Variants in RABGAP1L observed in about 807,000 individuals in gnomAD.
RABGAP1L encodes RAB GTPase activating protein 1 like.
RABGAP1L carries 63 observed loss-of-function variants against 137.7 expected under a neutral mutation model. The ratio of observed to expected loss-of-function variants is 0.46; its 90% CI spans 0.37 to 0.56. RABGAP1L has a LOEUF of 0.56. Among genes scored for constraint, RABGAP1L ranks in the 20% least tolerant of loss-of-function variants. The probability of loss-of-function intolerance (pLI) is 0.00; values close to 1 mark genes in which losing one functional copy is unlikely to be tolerated. For missense variants in RABGAP1L, 1,095 were observed against 1,244.0 expected (o/e 0.88, Z 1.80); for synonymous variants, 431 against 433.7 (o/e 0.99, Z 0.08).
At chr1:174,486,531 A>G (rs1200745756) in intron 13 of RABGAP1L, among the ~76,000 whole-genome samples, 2 of 151,838 alleles carry the variant, frequency 1.3e-5, no homozygotes, top group African/African-American at 4.8e-5. Context: ...TATTTTTAGT[A>G]GAGACACGGT....
At chr1:174,403,313 A>G (rs1481042981) in intron 13 of RABGAP1L, among the ~76,000 whole-genome samples, 2 of 147,536 alleles carry the variant, frequency 1.4e-5, no homozygotes, top group African/African-American at 2.5e-5. Flanking sequence ...GGGTCTCACC[A>G]TGTTGCTCAA....
At chr1:174,186,144 C>CAAAAAA (rs201540764) in intron 1 of RABGAP1L, among the ~76,000 whole-genome samples, 1 of 91,838 alleles carries the variant, frequency 1.1e-5, no homozygotes, top group Non-Finnish European at 2.3e-5. Flanking sequence ...AATTCCATCT[C>CAAAAAA]AAAAAAAAAA....
chr1:174,701,284 A>G (rs1426191038), intron 16 of RABGAP1L: 4 of 1,131,972 alleles, frequency 3.5e-6, no homozygotes, highest in Non-Finnish European at 4.5e-6. Flanking sequence ...ATACCTTTGC[A>G]TAATTTCTTT....
intron 19 of RABGAP1L, chr1:174,850,084 G>T: frequency 1.9e-6 from 1 of 523,638 alleles, no homozygotes; most frequent in South Asian, 1.5e-5. Flanking sequence ...CTGGGATTGG[G>T]AGGGGGCTTC....
chr1:174,304,230 T>G (rs1478245448), intron 10 of RABGAP1L, among the ~76,000 whole-genome samples: 2 of 152,168 alleles, frequency 1.3e-5, no homozygotes, highest in Non-Finnish European at 2.9e-5. Context: ...TTATGCTGAT[T>G]GATTTTTCCA....
chr1:174,768,926 C>T (rs988708413), intron 18 of RABGAP1L, among the ~76,000 whole-genome samples: 2 of 152,142 alleles, frequency 1.3e-5, no homozygotes, highest in Non-Finnish European at 2.9e-5. Flanking sequence ...ATGGAAGTGG[C>T]AAGAGTAATT....
At chr1:174,282,843 A>G (rs1028749710) in intron 10 of RABGAP1L, among the ~76,000 whole-genome samples, 27 of 152,308 alleles carry the variant, frequency 1.8e-4, no homozygotes, top group Non-Finnish European at 3.2e-4. Context: ...TTGTTCCAGC[A>G]TCATTTGTTG....
At chr1:174,829,081 C>T (rs1323797441) in intron 19 of RABGAP1L, among the ~76,000 whole-genome samples, 1 of 147,780 alleles carries the variant, frequency 6.8e-6, no homozygotes, top group Non-Finnish European at 1.5e-5. Flanking sequence ...TCTAGTTTCT[C>T]TCATTGTGAG....
At chr1:174,884,300 C>T (rs189665898) in intron 19 of RABGAP1L, among the ~76,000 whole-genome samples, 47 of 152,262 alleles carry the variant, frequency 3.1e-4, no homozygotes, top group Admixed American at 2.7e-3. Flanking sequence ...TCCTCCTTAT[C>T]GGATTGGCAC....
At position 174,947,750 on chromosome 1, in the gene RABGAP1L, A is replaced by G. The variant is rs1390748650; in HGVS notation, c.2341-9707A>G. 3.3e-5 allele frequency among the ~76,000 whole-genome samples: 5 copies of G among 152,188 alleles called. No individual in the cohort carries two copies. In the East Asian group the frequency reaches 7.7e-4, roughly 23 times the overall value. Reference sequence around the variant, plus strand: ...GTTTAATTTCTAAACCACCTCAAATAAAGTATCAAAGAGAAACTGCTGTTC... The same window carrying G: ...GTTTAATTTCTAAACCACCTCAAATGAAGTATCAAAGAGAAACTGCTGTTC... On this transcript the variant is annotated intron_variant, in intron 19 of 25. Coordinates refer to ENST00000681986, the MANE Select transcript of RABGAP1L (RefSeq NM_001366446.1).
At chr1:174,746,414 C>A (rs1683868420) in intron 17 of RABGAP1L, among the ~76,000 whole-genome samples, 1 of 152,242 alleles carries the variant, frequency 6.6e-6, no homozygotes, top group African/African-American at 2.4e-5. Context: ...GTGACCCTTT[C>A]TTCCCACAGC....
At chr1:174,464,297 C>T (rs546711523) in intron 13 of RABGAP1L, among the ~76,000 whole-genome samples, 1 of 151,142 alleles carries the variant, frequency 6.6e-6, no homozygotes, top group South Asian at 2.1e-4. Context: ...TGATGCTTTC[C>T]CCATCCTTAA....
intron 13 of RABGAP1L, among the ~76,000 whole-genome samples, chr1:174,423,299 C>T (rs910067727): frequency 3.9e-5 from 6 of 152,092 alleles, no homozygotes; most frequent in African/African-American, 1.4e-4. Flanking sequence ...ATTATTAGCT[C>T]ACCAATATTT....
intron 1 of RABGAP1L, among the ~76,000 whole-genome samples, chr1:174,182,159 C>T (rs1319863887): frequency 6.6e-5 from 10 of 151,816 alleles, no homozygotes; most frequent in Admixed American, 6.6e-4. Flanking sequence ...TTACTTAACC[C>T]TAATTGGCTT....
At chr1:174,908,293 T>G (rs1253446751) in intron 19 of RABGAP1L, among the ~76,000 whole-genome samples, 1 of 152,124 alleles carries the variant, frequency 6.6e-6, no homozygotes, top group Non-Finnish European at 1.5e-5. Flanking sequence ...ACACTAAATC[T>G]AATAGACCTA....
chr1:174,277,472 T>C (rs1675099671), intron 9 of RABGAP1L, among the ~76,000 whole-genome samples: 3 of 151,728 alleles, frequency 2.0e-5, no homozygotes, highest in South Asian at 4.1e-4. Context: ...CAATAAAATA[T>C]ATATTTGGTC....
chr1:174,160,769 CCTT>C (rs1257235416), intron 1 of RABGAP1L, among the ~76,000 whole-genome samples: 2 of 152,150 alleles, frequency 1.3e-5, no homozygotes, highest in Admixed American at 6.5e-5. Flanking sequence ...TTCATGAAAA[CCTT>C]CTGACTTTTC....
chr1:174,307,993 G>A (rs953663747), intron 11 of RABGAP1L, among the ~76,000 whole-genome samples: 4 of 151,780 alleles, frequency 2.6e-5, no homozygotes, highest in African/African-American at 9.7e-5. Flanking sequence ...TTGCTTTTTG[G>A]TAATAGCCGT....
intron 12 of RABGAP1L, among the ~76,000 whole-genome samples, chr1:174,372,513 T>C (rs957870103): frequency 2.6e-5 from 4 of 152,134 alleles, no homozygotes; most frequent in Non-Finnish European, 5.9e-5. Context: ...AAAGGGATGT[T>C]AACCTATAAC....
Sources: gnomAD v4.1 joint callset for allele counts (sites outside exome capture counted in the v4.1 genomes callset) on GRCh38, gnomAD v4.1.1 for gene constraint, MANE v1.5 for transcripts, NCBI Gene and HGNC (gene_info 2026-07-23, HGNC 2026-07-21) for gene names.